Variants in CDH13 observed in about 807,000 individuals in gnomAD.
The protein encoded by CDH13 is cadherin 13.
CDH13 carries 24 observed loss-of-function variants against 63.8 expected under a neutral mutation model. That is an observed-to-expected ratio of 0.38 (90% CI 0.27 to 0.53). The LOEUF is 0.53. Among genes scored for constraint, CDH13 ranks in the 20% least tolerant of loss-of-function variants. The pLI is 0.85. For missense variants in CDH13, 1,049 were observed against 903.1 expected (o/e 1.16, Z -2.07); for synonymous variants, 503 against 355.3 (o/e 1.42, Z -4.67).
intron 10 of CDH13, among the ~76,000 whole-genome samples, chr16:83,722,022 A>G (rs1031434331): frequency 6.6e-6 from 1 of 152,100 alleles, no homozygotes; most frequent in Non-Finnish European, 1.5e-5. Flanking sequence ...TGTGCAAAAG[A>G]GCACTGTGGG....
At chr16:83,401,707 G>C (rs990807193) in intron 6 of CDH13, among the ~76,000 whole-genome samples, 1 of 152,068 alleles carries the variant, frequency 6.6e-6, no homozygotes, top group Non-Finnish European at 1.5e-5. Context: ...CTTACCCAAG[G>C]ATGCGTGACT....
intron 7 of CDH13, among the ~76,000 whole-genome samples, chr16:83,555,242 A>T (rs2075579691): frequency 6.6e-6 from 1 of 152,192 alleles, no homozygotes; most frequent in African/African-American, 2.4e-5. Context: ...TGGTAAACTC[A>T]AGCACAGAAA....
chr16:83,679,773 A>G (rs914911394), intron 10 of CDH13, among the ~76,000 whole-genome samples: 2 of 152,242 alleles, frequency 1.3e-5, no homozygotes, highest in Non-Finnish European at 2.9e-5. Context: ...GGTGAGCTTA[A>G]GTGTCATCTT....
At chr16:83,610,930 T>A (rs2150763055) in intron 8 of CDH13, among the ~76,000 whole-genome samples, 1 of 152,328 alleles carries the variant, frequency 6.6e-6, no homozygotes, top group East Asian at 1.9e-4. Context: ...TCTTGACTGC[T>A]ATATATTTTC....
chr16:82,904,738 G>A (rs1387027100), intron 2 of CDH13, among the ~76,000 whole-genome samples: 2 of 152,252 alleles, frequency 1.3e-5, no homozygotes, highest in East Asian at 1.9e-4. Context: ...CAGGTTTAAC[G>A]GGTGGTCAGT....
intron 8 of CDH13, among the ~76,000 whole-genome samples, chr16:83,661,347 C>T (rs150968735): frequency 3.3e-5 from 5 of 152,138 alleles, no homozygotes; most frequent in Admixed American, 1.3e-4. Flanking sequence ...ATTAGCTTGG[C>T]GTGGTGGCAC....
chr16:83,500,151 C>G (rs558085687), intron 7 of CDH13, among the ~76,000 whole-genome samples: 1 of 151,382 alleles, frequency 6.6e-6, no homozygotes, highest in Non-Finnish European at 1.5e-5. Flanking sequence ...GGTCGTAAGG[C>G]AAGAGAAAGG....
At chr16:83,234,236 C>T (rs545353766) in intron 5 of CDH13, among the ~76,000 whole-genome samples, 3 of 152,318 alleles carry the variant, frequency 2.0e-5, no homozygotes, top group African/African-American at 7.2e-5. Context: ...TTCCTTTTCT[C>T]ATAAATGTTA....
chr16:82,677,930 C>T (rs1035604677), intron 1 of CDH13, among the ~76,000 whole-genome samples: 4 of 152,292 alleles, frequency 2.6e-5, no homozygotes, highest in African/African-American at 9.6e-5. Flanking sequence ...TGATTGATGT[C>T]TGCTTGATCC....
At chr16:83,247,131 C>T (rs1019536377) in intron 5 of CDH13, among the ~76,000 whole-genome samples, 2 of 152,166 alleles carry the variant, frequency 1.3e-5, no homozygotes, top group African/African-American at 4.8e-5. Flanking sequence ...ATCATTGGTA[C>T]CTGTGCCATC....
chr16:82,934,182 G>A (rs1183811293), intron 2 of CDH13, among the ~76,000 whole-genome samples: 1 of 152,214 alleles, frequency 6.6e-6, no homozygotes, highest in South Asian at 2.1e-4. Context: ...GGACATCCAG[G>A]CATTTCCATA....
At chr16:83,126,723 C>G (rs765582409) in intron 4 of CDH13, among the ~76,000 whole-genome samples, 2 of 152,034 alleles carry the variant, frequency 1.3e-5, no homozygotes, top group African/African-American at 4.8e-5. Context: ...GCCTGGAATT[C>G]GAAAAATGGT....
intron 1 of CDH13, among the ~76,000 whole-genome samples, chr16:82,839,859 A>G (rs1045155216): frequency 2.0e-5 from 3 of 152,132 alleles, no homozygotes; most frequent in African/African-American, 7.2e-5. Context: ...GAGGTATGCT[A>G]TTTTTCCATA....
chr16:83,048,284 C>T lies in CDH13; in HGVS notation c.366+16066C>T, dbSNP rs184139120. Among the ~76,000 whole-genome samples, 6 of 152,224 alleles carry T rather than the reference C, an allele frequency of 3.9e-5. No individual in the cohort carries two copies. In the East Asian group the frequency reaches 7.7e-4, roughly 20 times the overall value. ...GAACTCAAGCATGTATAAGGATTGA[C>T]TGAAATTAATAAATTGATACTCAGC... On this transcript the variant is annotated intron_variant, in intron 3 of 13. Coordinates refer to ENST00000567109, the MANE Select transcript of CDH13 (RefSeq NM_001257.5).
rs187432838 is a variant in CDH13 at position 83,744,928 on chromosome 16, G to A, written c.1539-3180G>A. Among the ~76,000 whole-genome samples the A allele has an allele frequency of 2.6e-5, 4 of 152,296 alleles. No individual in the cohort carries two copies. In the East Asian group the frequency reaches 7.7e-4, roughly 29 times the overall value. On this transcript the variant is annotated intron_variant, in intron 10 of 13. Transcript: ENST00000567109. Reference sequence around the variant, plus strand: ...TGAACGGCTGGGGGGAAGCAGCAGAGGGTGACAGCAGGCCTTGGCACCAGA... The same window carrying A: ...TGAACGGCTGGGGGGAAGCAGCAGAAGGTGACAGCAGGCCTTGGCACCAGA...
chr16:82,894,741 C>T (rs879602987), intron 2 of CDH13, among the ~76,000 whole-genome samples: 1 of 152,170 alleles, frequency 6.6e-6, no homozygotes, highest in Non-Finnish European at 1.5e-5. Context: ...AATGGGAAGG[C>T]TGTAGCTAGC....
chr16:83,610,795 G>C (rs1908790245), intron 8 of CDH13, among the ~76,000 whole-genome samples: 1 of 152,136 alleles, frequency 6.6e-6, no homozygotes, highest in Non-Finnish European at 1.5e-5. Flanking sequence ...GTGTCTTTTG[G>C]TGCATATTTG....
intron 4 of CDH13, among the ~76,000 whole-genome samples, chr16:83,186,388 C>T (rs1371980402): frequency 2.0e-5 from 3 of 151,998 alleles, no homozygotes; most frequent in Non-Finnish European, 2.9e-5. Context: ...CCACCCGCCT[C>T]GGCCTCCCAA....
chr16:82,695,613 C>G lies in CDH13; in HGVS notation c.45+68476C>G, dbSNP rs79012531. Among the ~76,000 whole-genome samples the G allele has an allele frequency of 3.7e-3, 567 of 152,292 alleles. 2 individuals carry two copies. Among genetic ancestry groups the G allele is most frequent in the African/African-American group, 0.013 (531 of 41,572 alleles). ...GGGTTAGGTATTCTCTGGGTCCACT[C>G]AAGCTTCCTATCAGTTTTTTAGGGA... is the stretch of plus-strand genomic sequence containing the variant. On this transcript the variant is annotated intron_variant, in intron 1 of 13. Coordinates refer to ENST00000567109, the MANE Select transcript of CDH13 (RefSeq NM_001257.5).
Sources: gnomAD v4.1 joint callset for allele counts (sites outside exome capture counted in the v4.1 genomes callset) on GRCh38, gnomAD v4.1.1 for gene constraint, MANE v1.5 for transcripts, NCBI Gene and HGNC (gene_info 2026-07-23, HGNC 2026-07-21) for gene names.